The following VPS35L variants were observed in gnomAD, a reference collection of about 807,000 sequenced individuals.
VPS35L encodes the protein VPS35 endosomal protein sorting factor like.
VPS35L carries 83 observed loss-of-function variants against 133.0 expected under a neutral mutation model. That is an observed-to-expected ratio of 0.62 (90% CI 0.52 to 0.75). The LOEUF (loss-of-function observed/expected upper bound fraction) is 0.75. Among genes scored for constraint, VPS35L ranks in the 30% least tolerant of loss-of-function variants. VPS35L has a pLI of 0.00. For synonymous variants in VPS35L, 423 were observed against 449.9 expected (o/e 0.94, Z 0.76); for missense variants, 1,083 against 1,206.8 (o/e 0.90, Z 1.52).
At chr16:19,666,392 CT>C (rs1974664260) in intron 26 of VPS35L, among the ~76,000 whole-genome samples, 1 of 152,102 alleles carries the variant, frequency 6.6e-6, no homozygotes, top group Admixed American at 6.5e-5. Flanking sequence ...TTATTCTGAA[CT>C]TTAAACTATA....
At chr16:19,677,217 C>G (rs1975094755) in intron 27 of VPS35L, among the ~76,000 whole-genome samples, 1 of 151,826 alleles carries the variant, frequency 6.6e-6, no homozygotes, top group Non-Finnish European at 1.5e-5. Flanking sequence ...AGGCACCTGC[C>G]ACCGTGCCTG....
Position 19,588,158 on chromosome 16 carries a change from AGTAT to A in VPS35L, c.640-3603_640-3600del, listed in dbSNP as rs71146263. Among the ~76,000 whole-genome samples the A allele has an allele frequency of 3.3e-3, 482 of 147,568 alleles. 1 individual carries two copies. Among genetic ancestry groups the A allele is most frequent in the African/African-American group, 8.4e-3 (337 of 40,064 alleles). ...AGCAAGTTTGAAACTGGGTAATATA[AGTAT>A]GTATGTATGTATGTATGTATGTATG... On this transcript the variant is annotated intron_variant, in intron 7 of 30. Coordinates refer to ENST00000417362, the MANE Select transcript of VPS35L (RefSeq NM_020314.7).
At chr16:19,569,241 C>A in intron 2 of VPS35L, 183 bp from the exon 3 acceptor site, 1 of 752,696 alleles carries the variant, frequency 1.3e-6, no homozygotes, top group Non-Finnish European at 2.4e-6. Flanking sequence ...CCTTCCTTGA[C>A]AGTTGTGATC....
chr16:19,575,202 A>G (rs1437195669), intron 5 of VPS35L, 80 bp downstream of exon 5: 2 of 1,294,236 alleles, frequency 1.5e-6, no homozygotes, highest in East Asian at 2.3e-5. Flanking sequence ...AAAAAGTTTT[A>G]TGTGATATGA....
At chr16:19,584,344 C>T (rs562217280) in intron 7 of VPS35L, among the ~76,000 whole-genome samples, 5 of 152,068 alleles carry the variant, frequency 3.3e-5, no homozygotes, top group African/African-American at 7.2e-5. Flanking sequence ...GTTCCCTTTT[C>T]GGCTGGGTGT....
intron 12 of VPS35L, among the ~76,000 whole-genome samples, chr16:19,615,293 T>C (rs1168371868): frequency 6.6e-6 from 1 of 152,260 alleles, no homozygotes; most frequent in Non-Finnish European, 1.5e-5. Flanking sequence ...TCTGCAAATG[T>C]TGCCCTTTTT....
Position 19,666,875 on chromosome 16 carries a change from TC to T in VPS35L, c.2222-2284del, listed in dbSNP as rs1974681833. 3.5e-5 allele frequency among the ~76,000 whole-genome samples: 3 copies of T among 84,648 alleles called. No homozygotes were observed. The South Asian group carries it at 1.5e-3, about 42-fold the overall frequency. 55.5% of individuals were successfully genotyped at this position (84,648 alleles called of 152,430 possible). On this transcript the variant is annotated intron_variant, in intron 26 of 30. Transcript: ENST00000417362. ...GGTTCCATAAGTAGGGCCATGTTTTTCTTTCTTTCTTTCTTTCTTTCTTTCT... is the reference window on the plus strand; with the variant it reads ...GGTTCCATAAGTAGGGCCATGTTTTTTTTCTTTCTTTCTTTCTTTCTTTCT...
Position 19,587,782 on chromosome 16 carries a change from C to G in VPS35L, c.640-4008C>G, listed in dbSNP as rs369425710. On this transcript the variant is annotated intron_variant, in intron 7 of 30. Coordinates refer to ENST00000417362, the MANE Select transcript of VPS35L (RefSeq NM_020314.7). ...GTTGATCCATAAGTCAATCCTTATG[C>G]CAGTTCCACATTGTCTTTTTTTTTT... 5.3e-5 allele frequency among the ~76,000 whole-genome samples: 8 copies of G among 151,370 alleles called. No individual in the cohort carries two copies. In the South Asian group the frequency reaches 1.0e-3, roughly 20 times the overall value.
rs996954763 is a variant in VPS35L at position 19,682,600 on chromosome 16, G to A, written c.2527+210G>A. Among the ~76,000 whole-genome samples the A allele has an allele frequency of 3.9e-5, 6 of 152,264 alleles. No individual in the cohort carries two copies. In the South Asian group the frequency reaches 8.3e-4, roughly 21 times the overall value. ...TCTTGGGCCGGGTGCAGTGGCCCAC[G>A]CCTGTAATCCCAGCACTTTGGGAGG... On this transcript the variant is annotated intron_variant, in intron 28 of 30. Coordinates refer to ENST00000417362, the MANE Select transcript of VPS35L (RefSeq NM_020314.7).
At chr16:19,654,380 G>A (rs758027243) in intron 26 of VPS35L, among the ~76,000 whole-genome samples, 4 of 149,946 alleles carry the variant, frequency 2.7e-5, no homozygotes, top group African/African-American at 5.1e-5. Context: ...GGACAGGCAC[G>A]TGTCTTCATT....
At chr16:19,692,762 C>G (rs1247010936) in intron 29 of VPS35L, among the ~76,000 whole-genome samples, 1 of 152,090 alleles carries the variant, frequency 6.6e-6, no homozygotes, top group Non-Finnish European at 1.5e-5. Flanking sequence ...GGGGTTTCAC[C>G]ATATTAGCCA....
chr16:19,617,814 T>G (rs1292628617), intron 14 of VPS35L: 1 of 153,418 alleles, frequency 6.5e-6, no homozygotes, highest in Non-Finnish European at 1.4e-5. Context: ...CTGGCTAACA[T>G]GGATATATAG....
rs2151501335 is a variant in VPS35L, at chr16:19,564,857, C to T, written c.24C>T (p.Ser8=). 1.2e-6 allele frequency: 2 copies of T among 1,613,036 alleles called. 1 individual carries two copies. Among genetic ancestry groups the T allele is most frequent in the South Asian group, 2.2e-5 (2 of 91,014 alleles). The change falls in exon 2 of 31, where the codon TCC becomes TCT. Residue 8 remains serine, a synonymous_variant. Coordinates refer to ENST00000417362, the MANE Select transcript of VPS35L (RefSeq NM_020314.7). ...GTGTTTCGCTGTTTACCAGGCACTC[C>T]AGGAATAGGAACTACAAAGCTGAAT... is the stretch of plus-strand genomic sequence containing the variant. MAVFPWH[S]RNRNYKAEFA... is the part of the protein sequence containing the mutation.
At chr16:19,577,744 G>A (rs963243078) in intron 5 of VPS35L, among the ~76,000 whole-genome samples, 1 of 151,922 alleles carries the variant, frequency 6.6e-6, no homozygotes, top group African/African-American at 2.4e-5. Flanking sequence ...CTCATGAATG[G>A]GATTAGTGCC....
intron 1 of VPS35L, 113 bp downstream of exon 1, chr16:19,555,859 G>A: frequency 7.1e-7 from 1 of 1,410,290 alleles, no homozygotes; most frequent in African/African-American, 1.4e-5. Flanking sequence ...TGGTCGACCG[G>A]CCACCCCCAA....
chr16:19,682,461 TTC>T (rs776809292), intron 28 of VPS35L, 71 bp downstream of exon 28: 6 of 1,490,194 alleles, frequency 4.0e-6, no homozygotes, highest in African/African-American at 1.4e-5. Context: ...TGCTTTCATT[TTC>T]TCTTTTATTT....
At chr16:19,573,369 G>T in intron 4 of VPS35L, 128 bp downstream of exon 4, 1 of 1,102,172 alleles carries the variant, frequency 9.1e-7, no homozygotes, top group Non-Finnish European at 1.3e-6. Context: ...TCTCTTAAAA[G>T]CTCACATATA....
intron 27 of VPS35L, among the ~76,000 whole-genome samples, chr16:19,674,609 G>T (rs746821297): frequency 6.6e-6 from 1 of 151,986 alleles, no homozygotes; most frequent in African/African-American, 2.4e-5. Flanking sequence ...CCTCTTAACC[G>T]GTTTTTACGT....
intron 12 of VPS35L, among the ~76,000 whole-genome samples, chr16:19,610,996 T>G (rs1972699508): frequency 6.6e-6 from 1 of 152,098 alleles, no homozygotes; most frequent in Non-Finnish European, 1.5e-5. Context: ...CAATGGAGGT[T>G]ATATGGTCTT....
Sources: gnomAD v4.1 joint callset for allele counts (sites outside exome capture counted in the v4.1 genomes callset) on GRCh38, gnomAD v4.1.1 for gene constraint, MANE v1.5 for transcripts, NCBI Gene and HGNC (gene_info 2026-07-23, HGNC 2026-07-21) for gene names.